The following AGFG1 variants were observed in gnomAD, a reference collection of about 807,000 sequenced individuals.
The protein encoded by AGFG1 is ArfGAP with FG repeats 1.
Under a neutral mutation model 60.6 loss-of-function variants are expected in AGFG1, and 10 were observed. The ratio of observed to expected loss-of-function variants is 0.16; its 90% CI spans 0.10 to 0.28. AGFG1 has a LOEUF of 0.28. Among genes scored for constraint, AGFG1 ranks in the 10% least tolerant of loss-of-function variants. AGFG1 has a pLI of 1.00. For synonymous variants in AGFG1, 247 were observed against 242.9 expected (o/e 1.02, Z -0.16); for missense variants, 537 against 676.5 (o/e 0.79, Z 2.29).
In AGFG1 at chr2:227,536,718, G is replaced by GTTT; in HGVS notation, c.1285+15_1285+16insTTT. 6.2e-7 allele frequency: 1 copy of GTTT among 1,612,812 alleles called. No individual in the cohort carries two copies. Among genetic ancestry groups the GTTT allele is most frequent in the Non-Finnish European group, 8.5e-7 (1 of 1,179,188 alleles). On this transcript the variant is annotated intron_variant, in intron 9 of 12. Coordinates refer to ENST00000310078, the MANE Select transcript of AGFG1 (RefSeq NM_004504.5). ...CTCCATTTGGAGGTATGTGCTTCTG[G>GTTT]TATATACACTGGTTTTTACAAAGAA...
At chr2:227,487,259 A>C (rs932965680) in intron 1 of AGFG1, among the ~76,000 whole-genome samples, 2 of 152,048 alleles carry the variant, frequency 1.3e-5, no homozygotes, top group African/African-American at 4.8e-5. Flanking sequence ...CTTTTTTTCT[A>C]CTGCAGAGTA....
intron 2 of AGFG1, among the ~76,000 whole-genome samples, chr2:227,514,793 T>C (rs1362148811): frequency 1.3e-5 from 2 of 152,194 alleles, no homozygotes; most frequent in East Asian, 3.9e-4. Context: ...TATAATTCCT[T>C]GTTTTAGGTG....
chr2:227,544,092 T>C (rs1376616588), intron 10 of AGFG1, among the ~76,000 whole-genome samples: 1 of 151,872 alleles, frequency 6.6e-6, no homozygotes, highest in Non-Finnish European at 1.5e-5. Flanking sequence ...ATGGGTTTCC[T>C]GAATACAGCA....
At chr2:227,514,784 A>G (rs574592277) in intron 2 of AGFG1, among the ~76,000 whole-genome samples, 32 of 152,296 alleles carry the variant, frequency 2.1e-4, no homozygotes, top group African/African-American at 6.7e-4. Context: ...ATTGTTGCAT[A>G]TAATTCCTTG....
intron 1 of AGFG1, among the ~76,000 whole-genome samples, chr2:227,472,876 G>A (rs1428139268): frequency 3.3e-5 from 5 of 151,780 alleles, no homozygotes; most frequent in Non-Finnish European, 4.4e-5. Context: ...CAGGGAGGGG[G>A]CGACCGGGGC....
intron 4 of AGFG1, 40 bp downstream of exon 4, chr2:227,523,965 A>G (rs1414942087): frequency 3.9e-6 from 6 of 1,556,484 alleles, no homozygotes; most frequent in Non-Finnish European, 5.3e-6. Flanking sequence ...TTCGACTTAA[A>G]GAGGGCTTGA....
chr2:227,478,134 G>A (rs114806744), intron 1 of AGFG1, among the ~76,000 whole-genome samples: 996 of 94,076 alleles, frequency 0.011, 9 homozygotes, highest in South Asian at 0.051. Context: ...CGTAATTCTC[G>A]TGCTATTTTT....
At position 227,556,412 on chromosome 2, in the gene AGFG1, CTCT is replaced by C. The variant is rs544585479; in HGVS notation, c.*1922_*1924del. The C allele has an allele frequency of 4.1e-4, 63 of 152,708 alleles. No individual in the cohort carries two copies. The highest frequency in any genetic ancestry group is 1.5e-3 in the African/African-American group (62 of 41,556). The allele number at this position is 152,708 out of a possible 1,614,324, so 9.5% of individuals were successfully genotyped here. A position where few individuals can be genotyped will look rare whatever the true frequency, so the allele number is the denominator to read the frequency against. ...TCTGCCCCTTTTCTGAGCAGTATGC[CTCT>C]TCTTTTAGAATTAAATGAATGCTGC... On this transcript the variant is annotated 3_prime_UTR_variant, in exon 13 of 13. Transcript: ENST00000310078.
intron 10 of AGFG1, among the ~76,000 whole-genome samples, chr2:227,538,795 TGAA>T (rs1347657551): frequency 6.6e-6 from 1 of 152,222 alleles, no homozygotes; most frequent in Non-Finnish European, 1.5e-5. Flanking sequence ...TTGTAAAAGT[TGAA>T]GTTCTACATA....
chr2:227,522,457 G>A (rs1324345509), intron 3 of AGFG1, among the ~76,000 whole-genome samples: 1 of 152,178 alleles, frequency 6.6e-6, no homozygotes, highest in African/African-American at 2.4e-5. Flanking sequence ...AGTTGTTTGT[G>A]ATTATTATGT....
intron 10 of AGFG1, among the ~76,000 whole-genome samples, chr2:227,546,601 T>C (rs568808830): frequency 6.6e-6 from 1 of 152,336 alleles, no homozygotes; most frequent in Non-Finnish European, 1.5e-5. Flanking sequence ...GAGCCGTTCC[T>C]ATTCTGCCAT....
At chr2:227,487,462 A>G (rs976779231) in intron 1 of AGFG1, among the ~76,000 whole-genome samples, 32 of 152,176 alleles carry the variant, frequency 2.1e-4, no homozygotes, top group Middle Eastern at 3.2e-3. Flanking sequence ...TTAAAGCACA[A>G]TTGTAAGTGC....
chr2:227,534,900 G>C lies in AGFG1; in HGVS notation c.1080G>C (p.Val360=), dbSNP rs1692262904. 2 of 1,613,836 alleles carry C rather than the reference G, an allele frequency of 1.2e-6. No homozygotes were observed. Among genetic ancestry groups the C allele is most frequent in the Non-Finnish European group, 1.7e-6 (2 of 1,179,830 alleles). The change falls in exon 8 of 13, where the codon GTG becomes GTC. Residue 360 remains valine (V), a synonymous_variant. Coordinates refer to ENST00000310078, the MANE Select transcript of AGFG1 (RefSeq NM_004504.5). ...CAGGTAAAGCTCCTGTTGGTTCTGT[G>C]GTTTCAGTTCCCAGTCAGTCAAGTG... ...GTTGKAPVGS[V]VSVPSQSSAS...
rs2106255513 is a variant in AGFG1, at chr2:227,561,214, A to G, written c.*6719A>G. 6.6e-6 allele frequency: 1 copy of G among 152,270 alleles called. No individual in the cohort carries two copies. Among genetic ancestry groups the G allele is most frequent in the African/African-American group, 2.4e-5 (1 of 41,564 alleles). 9.4% of individuals were successfully genotyped at this position (152,270 alleles called of 1,614,324 possible). ...AAAATAAAGACTTCTGAATTTGTGT[A>G]CCATTTGGGAATAGCCTCTTTCATT... On this transcript the variant is annotated 3_prime_UTR_variant, in exon 13 of 13. Coordinates refer to ENST00000310078, the MANE Select transcript of AGFG1 (RefSeq NM_004504.5).
intron 5 of AGFG1, among the ~76,000 whole-genome samples, chr2:227,528,517 T>C (rs1241982731): frequency 6.6e-6 from 1 of 152,196 alleles, no homozygotes; most frequent in Admixed American, 6.5e-5. Context: ...TAAAAAGAGT[T>C]GGTGGGAGAG....
intron 5 of AGFG1, among the ~76,000 whole-genome samples, chr2:227,525,924 A>G (rs191150250): frequency 6.6e-6 from 1 of 152,338 alleles, no homozygotes; most frequent in African/African-American, 2.4e-5. Flanking sequence ...TCCTTCACTT[A>G]TTAGCTGAAA....
Position 227,560,659 on chromosome 2 carries a change from TAAG to T in AGFG1, c.*6169_*6171del, listed in dbSNP as rs932266154. On this transcript the variant is annotated 3_prime_UTR_variant, in exon 13 of 13. Coordinates refer to ENST00000310078, the MANE Select transcript of AGFG1 (RefSeq NM_004504.5). ...ATTAGCTTAGACTATACCTTATTTT[TAAG>T]AAGAGAAAGTGGAAATTAACTGTGG... 2 of 152,138 alleles carry T rather than the reference TAAG, an allele frequency of 1.3e-5. No individual in the cohort carries two copies. The highest frequency in any genetic ancestry group is 4.8e-5 in the African/African-American group (2 of 41,438). 9.4% of individuals were successfully genotyped at this position (152,138 alleles called of 1,614,324 possible).
chr2:227,517,648 T>G (rs774701858), intron 2 of AGFG1, among the ~76,000 whole-genome samples: 11 of 152,224 alleles, frequency 7.2e-5, no homozygotes, highest in Non-Finnish European at 1.2e-4. Flanking sequence ...ACCTTTCTCT[T>G]ATTTCTCCCA....
intron 2 of AGFG1, among the ~76,000 whole-genome samples, chr2:227,509,272 G>GTTC (rs1326824791): frequency 1.3e-5 from 2 of 152,086 alleles, no homozygotes; most frequent in Non-Finnish European, 2.9e-5. Context: ...ATTTAATCAT[G>GTTC]AGGAAGCCCA....
Sources: gnomAD v4.1 joint callset for allele counts (sites outside exome capture counted in the v4.1 genomes callset) on GRCh38, gnomAD v4.1.1 for gene constraint, MANE v1.5 for transcripts, NCBI Gene and HGNC (gene_info 2026-07-23, HGNC 2026-07-21) for gene names.